Variants in STK3 observed in about 807,000 individuals in gnomAD.
STK3 encodes the protein serine/threonine kinase 3.
Under a neutral mutation model 58.0 loss-of-function variants are expected in STK3, and 41 were observed. The observed-to-expected ratio is 0.71, with a 90% CI of 0.55 to 0.92. The LOEUF (loss-of-function observed/expected upper bound fraction) is 0.92, where lower values mean the gene tolerates loss of function less well. STK3 is among the 40% of genes least tolerant of loss of function. The pLI is 0.00. For missense variants in STK3, 479 were observed against 602.7 expected (o/e 0.79, Z 2.15); for synonymous variants, 170 against 191.0 (o/e 0.89, Z 0.91).
chr8:98,864,616 T>C (rs927823270), intron 3 of STK3, among the ~76,000 whole-genome samples: 6 of 152,220 alleles, frequency 3.9e-5, no homozygotes, highest in African/African-American at 1.4e-4. Flanking sequence ...TTCCCCTGTG[T>C]TGGTGTAGCA....
intron 10 of STK3, among the ~76,000 whole-genome samples, chr8:98,484,082 C>CTTAAAGACTTAATACTAGGTCTTTAAGTA (rs1822051672): frequency 1.4e-5 from 2 of 141,848 alleles, no homozygotes; most frequent in Admixed American, 7.2e-5. Context: ...GCCACCATGA[C>CTTAAAGACTTAATACTAGGTCTTTAAGTA]TTAAAGACTT....
chr8:98,655,057 A>C (rs538959230), intron 6 of STK3, among the ~76,000 whole-genome samples: 15 of 152,218 alleles, frequency 9.9e-5, no homozygotes, highest in Admixed American at 9.2e-4. Flanking sequence ...ACAAAGCTGG[A>C]GGCATCACAC....
chr8:98,395,161 TCTTGG>T (rs1188632190), intron 3 of STK3, among the ~76,000 whole-genome samples: 3 of 152,176 alleles, frequency 2.0e-5, no homozygotes, highest in Non-Finnish European at 4.4e-5. Context: ...ACTTCTGGGA[TCTTGG>T]CATTGCTTGT....
intron 4 of STK3, among the ~76,000 whole-genome samples, chr8:98,737,726 T>C (rs78200009): frequency 6.6e-6 from 1 of 152,150 alleles, no homozygotes; most frequent in Non-Finnish European, 1.5e-5. Flanking sequence ...CTTTTTTTTT[T>C]AGATGGAGTT....
chr8:98,412,960 G>A, intron 3 of STK3: 1 of 266,340 alleles, frequency 3.8e-6, no homozygotes, highest in South Asian at 4.0e-5. Flanking sequence ...TGGAGCATCT[G>A]GCCTCTCAGG....
intron 6 of STK3, among the ~76,000 whole-genome samples, chr8:98,684,355 G>A (rs1211816443): frequency 1.3e-5 from 2 of 152,042 alleles, no homozygotes; most frequent in African/African-American, 2.4e-5. Context: ...ACTGTGTAAC[G>A]TCCCAATACC....
intron 6 of STK3, chr8:98,633,575 C>G: frequency 1.3e-6 from 1 of 740,798 alleles, no homozygotes; most frequent in South Asian, 1.4e-5. Flanking sequence ...TCAGGTTCTC[C>G]TCTGTCTTTC....
chr8:98,608,658 T>C (rs796655756), intron 6 of STK3, among the ~76,000 whole-genome samples: 50 of 152,304 alleles, frequency 3.3e-4, no homozygotes, highest in African/African-American at 1.0e-3. Context: ...ATGAAATTGG[T>C]AATGTGTCTC....
chr8:98,919,626 G>A (rs1381110645), intron 1 of STK3, among the ~76,000 whole-genome samples: 4 of 152,284 alleles, frequency 2.6e-5, no homozygotes, highest in African/African-American at 9.6e-5. Flanking sequence ...ATATTTCAAT[G>A]TACGTAAATT....
Position 98,428,323 on chromosome 8 carries a change from T to C in STK3, n.483+5804A>G, listed in dbSNP as rs1400510344. 2 of 1,614,144 alleles carry C rather than the reference T, an allele frequency of 1.2e-6. No homozygotes were observed. Among genetic ancestry groups the C allele is most frequent in the Non-Finnish European group, 1.7e-6 (2 of 1,180,032 alleles). ...TACTGGGGCATCAACGAGTTCTTCA[T>C]TGACTCCTGCTGCAGCTACAGCTAC... On this transcript the variant is annotated intron_variant and non_coding_transcript_variant, in intron 3 of 3. Coordinates refer to the STK3 transcript ENST00000517832. This position sits in a 1 kb window ranked among gnomAD's most constrained non-coding sequence, Gnocchi z 6.7.
At chr8:98,389,810 G>A (rs10093553), upstream of STK3, among the ~76,000 whole-genome samples, 74,800 of 150,162 alleles carry the variant, frequency 0.5, 18,853 homozygotes, top group East Asian at 0.57. Context: ...TTTGGATTAT[G>A]TGTTAGAGAC....
intron 6 of STK3, among the ~76,000 whole-genome samples, chr8:98,664,623 G>A (rs1443143399): frequency 6.6e-6 from 1 of 152,174 alleles, no homozygotes; most frequent in African/African-American, 2.4e-5. Context: ...CTTATAAGGT[G>A]TTCCCTTCAA....
intron 1 of STK3, among the ~76,000 whole-genome samples, chr8:98,912,277 C>A (rs1839167712): frequency 6.6e-6 from 1 of 152,052 alleles, no homozygotes; most frequent in Non-Finnish European, 1.5e-5. Flanking sequence ...TACTTGGAGG[C>A]TGAGGCAGGA....
At chr8:98,606,136 G>C (rs113945928) in intron 6 of STK3, 7,698 of 152,354 alleles carry the variant, frequency 0.051, 262 homozygotes, top group Middle Eastern at 0.12. Flanking sequence ...GCTGAGGCAA[G>C]AGAACTGCTT....
intron 3 of STK3, among the ~76,000 whole-genome samples, chr8:98,870,298 A>T (rs1837322529): frequency 6.6e-6 from 1 of 152,250 alleles, no homozygotes; most frequent in Admixed American, 6.5e-5. Context: ...TGCCGCTATA[A>T]ACATATGCGT....
chr8:98,595,326 TTTTAACCC>T (rs1254895446), intron 7 of STK3: 2 of 151,932 alleles, frequency 1.3e-5, no homozygotes, highest in East Asian at 3.8e-4. Flanking sequence ...TTTTTTGTTC[TTTTAACCC>T]AATGGTTCCT....
intron 3 of STK3, among the ~76,000 whole-genome samples, chr8:98,407,237 TCGCCCTGGAGTCCAGCCTGGAAGAGG>T (rs1818002592): frequency 6.6e-6 from 1 of 152,250 alleles, no homozygotes; most frequent in East Asian, 1.9e-4. Context: ...GCAAAGGTTG[TCGCCCTGGAGTCCAGCCTGGAAGAGG>T]CGGCCACAGT....
At chr8:98,570,160 A>G (rs889599083) in intron 8 of STK3, among the ~76,000 whole-genome samples, 7 of 150,980 alleles carry the variant, frequency 4.6e-5, no homozygotes, top group Non-Finnish European at 1.0e-4. Flanking sequence ...AGAGAGTCTC[A>G]CTTTGTCACC....
At chr8:98,622,414 T>C (rs1818403403) in intron 6 of STK3, among the ~76,000 whole-genome samples, 1 of 152,202 alleles carries the variant, frequency 6.6e-6, no homozygotes, top group Non-Finnish European at 1.5e-5. Flanking sequence ...ATTCATTGTA[T>C]GTAAATTTCC....
Sources: allele counts gnomAD v4.1 joint callset (sites outside exome capture counted in the v4.1 genomes callset), GRCh38; gene constraint gnomAD v4.1.1; non-coding constraint Gnocchi (gnomAD v3.1); transcripts MANE v1.5; gene names NCBI Gene and HGNC (gene_info 2026-07-23, HGNC 2026-07-21).